Variants in SLC23A2 observed in about 807,000 individuals in gnomAD.
SLC23A2 encodes solute carrier family 23 member 2.
A neutral mutation model predicts 73.3 loss-of-function variants in SLC23A2; 36 were observed. The observed-to-expected ratio is 0.49, with a 90% CI of 0.38 to 0.65. SLC23A2 has a LOEUF of 0.65. SLC23A2 is among the 30% of genes least tolerant of loss of function. SLC23A2 has a pLI of 0.00. For missense variants in SLC23A2, 507 were observed against 841.6 expected (o/e 0.60, Z 4.92); for synonymous variants, 343 against 327.3 (o/e 1.05, Z -0.52).
upstream of SLC23A2, among the ~76,000 whole-genome samples, chr20:5,004,077 A>G (rs2088163665): frequency 6.6e-6 from 1 of 152,072 alleles, no homozygotes; most frequent in South Asian, 2.1e-4. Flanking sequence ...TCTGAAGGTC[A>G]GCCATCTCCT....
intron 6 of SLC23A2, among the ~76,000 whole-genome samples, chr20:4,893,742 C>G (rs999591384): frequency 6.6e-6 from 1 of 152,198 alleles, no homozygotes; most frequent in Non-Finnish European, 1.5e-5. Flanking sequence ...CATGAACATG[C>G]TGTGTGCCTA....
At chr20:4,913,416 G>A (rs1217991036) in intron 3 of SLC23A2, among the ~76,000 whole-genome samples, 4 of 152,148 alleles carry the variant, frequency 2.6e-5, no homozygotes, top group East Asian at 1.9e-4. Context: ...AACACTCCTC[G>A]GTAAGGGGCC....
At chr20:4,937,501 G>A (rs1013227459) in intron 2 of SLC23A2, among the ~76,000 whole-genome samples, 5 of 152,188 alleles carry the variant, frequency 3.3e-5, no homozygotes, top group African/African-American at 4.8e-5. Context: ...GTGTCGGTGT[G>A]TGCCAGGCAC....
intron 2 of SLC23A2, among the ~76,000 whole-genome samples, chr20:4,961,114 T>C (rs1568643792): frequency 1.3e-5 from 2 of 149,232 alleles, no homozygotes; most frequent in Non-Finnish European, 1.5e-5. Context: ...TTTTTCTTTT[T>C]TTTTTTTTTT....
At position 4,899,778 on chromosome 20, in the gene SLC23A2, C is replaced by T; in HGVS notation, c.325-66G>A. The stretch of plus-strand genomic sequence containing the variant: ...TTCCTCATTTATTCTTGATTTCATC[C>T]TAATTCTTCTCTCTTATTGTCGTTA... On this transcript the variant is annotated intron_variant, in intron 5 of 16. Transcript: ENST00000338244. This position sits in a 1 kb window ranked among gnomAD's most constrained non-coding sequence, Gnocchi z 4.9. 6.7e-7 allele frequency: 1 copy of T among 1,497,284 alleles called. No homozygotes were observed. Among genetic ancestry groups the T allele is most frequent in the East Asian group, 2.3e-5 (1 of 43,920 alleles). 92.7% of individuals were successfully genotyped at this position (1,497,284 alleles called of 1,614,324 possible). A position where few individuals can be genotyped will look rare whatever the true frequency, so the allele number is the denominator to read the frequency against.
At chr20:4,986,795 T>A (rs192384280) in intron 1 of SLC23A2, among the ~76,000 whole-genome samples, 44 of 151,308 alleles carry the variant, frequency 2.9e-4, no homozygotes, top group African/African-American at 9.9e-4. Flanking sequence ...AAGTGTGAGA[T>A]CTCAGAGTCA....
chr20:4,911,514 T>C (rs1157356607), intron 4 of SLC23A2, among the ~76,000 whole-genome samples: 1 of 152,236 alleles, frequency 6.6e-6, no homozygotes, highest in Non-Finnish European at 1.5e-5. Context: ...ACTATATTTG[T>C]ATGTGTCAAC....
intron 6 of SLC23A2, among the ~76,000 whole-genome samples, chr20:4,895,679 C>T (rs1399025815): frequency 6.6e-6 from 1 of 152,140 alleles, no homozygotes; most frequent in Admixed American, 6.5e-5. Context: ...TATCTCTATC[C>T]TCAGAAATGT....
Position 4,999,571 on chromosome 20 carries a change from T to A in SLC23A2, c.-282+1835A>T, listed in dbSNP as rs561369042. On this transcript the variant is annotated intron_variant, in intron 1 of 16. Transcript: ENST00000338244. ...ATACTCAGCTATTTTTTTTTTTTTTTTATAGAAACAGGAGTCTTGCTGGGT... is the reference window on the plus strand; with the variant it reads ...ATACTCAGCTATTTTTTTTTTTTTTATATAGAAACAGGAGTCTTGCTGGGT... Among the ~76,000 whole-genome samples, 337 of 151,884 alleles carry A rather than the reference T, an allele frequency of 2.2e-3. 3 individuals carry two copies. The highest frequency in any genetic ancestry group is 7.6e-3 in the African/African-American group (313 of 41,388).
chr20:4,890,846 C>T (rs1440439213), intron 6 of SLC23A2, among the ~76,000 whole-genome samples: 4 of 152,180 alleles, frequency 2.6e-5, no homozygotes, highest in African/African-American at 9.7e-5. Context: ...TCTAACTATA[C>T]AGCTTAAGGG....
At position 4,902,303 on chromosome 20, in the gene SLC23A2, C is replaced by T; in HGVS notation, c.324+139G>A. 1.8e-6 allele frequency: 1 copy of T among 564,720 alleles called. No individual in the cohort carries two copies. The highest frequency in any genetic ancestry group is 3.1e-5 in the East Asian group (1 of 32,504). The allele number at this position is 564,720 out of a possible 1,614,324, so 35.0% of individuals were successfully genotyped here. A position where few individuals can be genotyped will look rare whatever the true frequency, so the allele number is the denominator to read the frequency against. ...ACAGGCATCAGCCACTGTGCTCAGC[C>T]CCTACTCATCACTCTTAAAAGAGGA... On this transcript the variant is annotated intron_variant, in intron 5 of 16. Transcript: ENST00000338244. The surrounding 1 kb of genome is among the most constrained non-coding windows in gnomAD (Gnocchi z 4.0).
Position 4,862,885 on chromosome 20 carries a change from T to C in SLC23A2, c.1379A>G (p.Gln460Arg), listed in dbSNP as rs752823469. ...ITKVGSRRVI[Q>R]CGAALMLALG... ...AGCGAGCATGAGGGCTGCTCCGCAC[T>C]GTATCACGCGGCGGCTGCCGACCTG... Residue 460 changes from glutamine (Q) to arginine (R), a missense_variant, in exon 14 of 17, where the codon CAG becomes CGG. By Grantham distance (43) the Gln-to-Arg change is conservative. Around this residue, in one of 5 missense-constraint regions of SLC23A2, gnomAD observed 168 missense variants for 302.3 expected, o/e 0.56. Transcript: ENST00000338244. This position sits in a 1 kb window ranked among gnomAD's most constrained non-coding sequence, Gnocchi z 5.1. The C allele has an allele frequency of 1.2e-6, 2 of 1,611,530 alleles. No individual in the cohort carries two copies. Among genetic ancestry groups the C allele is most frequent in the Admixed American group, 1.7e-5 (1 of 59,958 alleles).
intron 6 of SLC23A2, among the ~76,000 whole-genome samples, chr20:4,892,387 A>C (rs1399550323): frequency 2.0e-5 from 3 of 151,892 alleles, no homozygotes; most frequent in Non-Finnish European, 4.4e-5. Flanking sequence ...AGGTTTCACC[A>C]TGTTGGCCAA....
chr20:4,958,346 T>C (rs1254982753), intron 2 of SLC23A2, among the ~76,000 whole-genome samples: 2 of 152,190 alleles, frequency 1.3e-5, no homozygotes, highest in African/African-American at 4.8e-5. Flanking sequence ...TCAGATTAAA[T>C]CTTATTTAAA....
intron 3 of SLC23A2, among the ~76,000 whole-genome samples, chr20:4,931,026 T>A: frequency 6.9e-6 from 1 of 145,258 alleles, no homozygotes; most frequent in East Asian, 2.0e-4. Flanking sequence ...TTTATTTTTT[T>A]CTTAAAATAT....
rs1347932157 is a variant in SLC23A2 at position 4,899,400 on chromosome 20, G to A, written c.482+155C>T. Among the ~76,000 whole-genome samples, 1 of 152,042 alleles carries A rather than the reference G, an allele frequency of 6.6e-6. No individual in the cohort carries two copies. Among genetic ancestry groups the A allele is most frequent in the Non-Finnish European group, 1.5e-5 (1 of 67,996 alleles). On this transcript the variant is annotated intron_variant, in intron 6 of 16. Coordinates refer to ENST00000338244, the MANE Select transcript of SLC23A2 (RefSeq NM_005116.6). This position sits in a 1 kb window ranked among gnomAD's most constrained non-coding sequence, Gnocchi z 4.9. ...CACCAAGAGAGGAAATGACTGGGAGGAACACTGAGGGGTGGGGACCAACGG... is the reference window on the plus strand; with the variant it reads ...CACCAAGAGAGGAAATGACTGGGAGAAACACTGAGGGGTGGGGACCAACGG...
intron 2 of SLC23A2, among the ~76,000 whole-genome samples, chr20:4,963,122 T>C (rs1458214634): frequency 2.0e-5 from 3 of 152,130 alleles, no homozygotes; most frequent in East Asian, 3.9e-4. Flanking sequence ...ACCTGGAGAA[T>C]GTAAATATCA....
chr20:5,005,454 G>A (rs1445088870), upstream of SLC23A2, among the ~76,000 whole-genome samples: 1 of 151,688 alleles, frequency 6.6e-6, no homozygotes, highest in African/African-American at 2.4e-5. Context: ...TATCAAGAAC[G>A]TTTCATGACC....
At chr20:4,971,748 C>T (rs1394583997) in intron 1 of SLC23A2, among the ~76,000 whole-genome samples, 1 of 152,042 alleles carries the variant, frequency 6.6e-6, no homozygotes, top group Non-Finnish European at 1.5e-5. Context: ...GACTGTGCCA[C>T]TGCAGTCCTA....
Sources: gnomAD v4.1 joint callset for allele counts (sites outside exome capture counted in the v4.1 genomes callset) on GRCh38, gnomAD v4.1.1 for gene constraint, gnomAD v4.1.1 regional missense constraint, Gnocchi (gnomAD v3.1) non-coding constraint, MANE v1.5 for transcripts, NCBI Gene and HGNC (gene_info 2026-07-23, HGNC 2026-07-21) for gene names.